GFM1: variants seen among roughly 807,000 people sequenced by gnomAD.
The protein encoded by GFM1 is G elongation factor mitochondrial 1.
GFM1 carries 62 observed loss-of-function variants against 96.2 expected under a neutral mutation model. The observed-to-expected ratio is 0.64, with a 90% CI of 0.53 to 0.80. The LOEUF (loss-of-function observed/expected upper bound fraction) is 0.80, where lower values mean the gene tolerates loss of function less well. GFM1 is among the 30% of genes least tolerant of loss of function. The pLI, the probability that GFM1 is intolerant of heterozygous loss-of-function variation, is 0.00. For synonymous variants in GFM1, 282 were observed against 312.9 expected, an observed-to-expected ratio of 0.90 and a Z score of 1.04; for missense variants, 852 against 916.6, an observed-to-expected ratio of 0.93 and a Z score of 0.91.
At chr3:158,667,055 A>G (rs1285378810) in intron 13 of GFM1, 2 of 1,591,478 alleles carry the variant, frequency 1.3e-6, no homozygotes, top group Admixed American at 1.8e-5. Context: ...GTCTAATTCA[A>G]TAAAGTCATC....
chr3:158,655,997 T>A, intron 8 of GFM1: 1 of 444,168 alleles, frequency 2.3e-6, no homozygotes, highest in Non-Finnish European at 4.5e-6. Flanking sequence ...AGAGTGTCCC[T>A]CAATTTGGGT....
At chr3:158,691,282 GT>G in intron 17 of GFM1, 53 bp from the exon 18 acceptor site, 1 of 1,605,950 alleles carries the variant, frequency 6.2e-7, no homozygotes, top group East Asian at 2.2e-5. Flanking sequence ...TTACTTGATA[GT>G]TTAAAAAACA....
intron 13 of GFM1, among the ~76,000 whole-genome samples, chr3:158,680,531 A>T (rs6764385): frequency 0.42 from 63,171 of 151,948 alleles, 14,284 homozygotes; most frequent in African/African-American, 0.6. Flanking sequence ...CAGCATTTGT[A>T]AGTTAGTTTA....
rs993023502 is a variant in GFM1, at chr3:158,694,877, GTTC to G, written c.*3412_*3414del. On this transcript the variant is annotated 3_prime_UTR_variant, in exon 18 of 18. Coordinates refer to ENST00000486715, the MANE Select transcript of GFM1 (RefSeq NM_024996.7). ...GTATTATTTTATATGTCTTAAGAAA[GTTC>G]TAAAGGTATTAGGAAAATGAATGTC... Among the ~76,000 whole-genome samples the G allele has an allele frequency of 5.3e-5, 8 of 152,282 alleles. No homozygotes were observed. Among genetic ancestry groups the G allele is most frequent in the African/African-American group, 1.4e-4 (6 of 41,546 alleles).
In GFM1 at chr3:158,671,174, A is replaced by C. The variant is rs114051682; in HGVS notation, c.1601+4788A>C. Among the ~76,000 whole-genome samples, 873 of 152,310 alleles carry C rather than the reference A, an allele frequency of 5.7e-3. 7 individuals carry two copies. Among genetic ancestry groups the C allele is most frequent in the African/African-American group, 0.02 (831 of 41,566 alleles). ...AAAAAGGCATGTCACCATGAATGTA[A>C]CATCTAATTTAGCAAGTCCCCTATC... On this transcript the variant is annotated intron_variant, in intron 13 of 17. Transcript: ENST00000486715.
rs113735140 is a variant in GFM1 at position 158,674,684 on chromosome 3, C to T, written c.1602-7311C>T. Among the ~76,000 whole-genome samples, 1,108 of 152,270 alleles carry T rather than the reference C, an allele frequency of 7.3e-3. 16 individuals carry two copies. Among genetic ancestry groups the T allele is most frequent in the African/African-American group, 0.026 (1,073 of 41,558 alleles). On this transcript the variant is annotated intron_variant, in intron 13 of 17. Coordinates refer to ENST00000486715, the MANE Select transcript of GFM1 (RefSeq NM_024996.7). ...ATACTTCAAGGTTTTTTATTAATAA[C>T]ATGGCTTATATTTAAGCTTTTTCCT...
At chr3:158,691,105 G>T in intron 16 of GFM1, 34 bp from the exon 17 acceptor site, 1 of 1,412,178 alleles carries the variant, frequency 7.1e-7, no homozygotes, top group Non-Finnish European at 1.0e-6. Flanking sequence ...TTTCCAATAA[G>T]CAGTGCTAAA....
Position 158,684,526 on chromosome 3 carries a change from G to T in GFM1, c.1767G>T (p.Gly589=). 6.2e-7 allele frequency: 1 copy of T among 1,614,070 alleles called. No individual in the cohort carries two copies. The highest frequency in any genetic ancestry group is 8.5e-7 in the Non-Finnish European group (1 of 1,179,948). Residue 589 remains glycine, a splice_region_variant and synonymous_variant, in exon 15 of 18, where the codon GGG becomes GGT. Coordinates refer to ENST00000486715, the MANE Select transcript of GFM1 (RefSeq NM_024996.7). Reference sequence around the variant, plus strand: ...AAGTTGTGTTCATTCATTAACAGGGGTTTTTAGATGCCTGCGAGAAGGGCC... The same window carrying T: ...AAGTTGTGTTCATTCATTAACAGGGTTTTTTAGATGCCTGCGAGAAGGGCC... ...PKQFVPAVEK[G]FLDACEKGPL... is the part of the protein sequence containing the mutation.
chr3:158,687,951 G>A (rs1041110682), intron 15 of GFM1, among the ~76,000 whole-genome samples: 1 of 151,972 alleles, frequency 6.6e-6, no homozygotes, highest in South Asian at 2.1e-4. Context: ...ATACACCTCT[G>A]TTGAATGCCA....
rs1723563774 is a variant in GFM1 at position 158,665,343 on chromosome 3, C to G, written c.1387C>G (p.Leu463Val). The G allele has an allele frequency of 6.2e-7, 1 of 1,608,374 alleles. No individual in the cohort carries two copies. The highest frequency in any genetic ancestry group is 1.1e-5 in the South Asian group (1 of 90,910). ...IAMKPSNKND[L>V]EKFSKGIGRF... is the part of the protein sequence containing the mutation. ...CTTTCTTCTTCTTTTAAAGAACGAT[C>G]TGGAAAAATTTTCAAAAGGTATTGG... Residue 463 changes from leucine to valine, a missense_variant, in exon 12 of 18, where the codon CTG becomes GTG. Coordinates refer to ENST00000486715, the MANE Select transcript of GFM1 (RefSeq NM_024996.7).
At chr3:158,661,086 C>T in intron 10 of GFM1, 111 bp downstream of exon 10, 1 of 803,232 alleles carries the variant, frequency 1.2e-6, no homozygotes, top group Non-Finnish European at 2.2e-6. Context: ...TCGTTGAGTA[C>T]CACAGTCATC....
intron 13 of GFM1, among the ~76,000 whole-genome samples, chr3:158,673,849 G>A (rs1358358774): frequency 6.6e-6 from 1 of 151,884 alleles, no homozygotes. Flanking sequence ...GACTCTTGAG[G>A]TGTATCTCTT....
At chr3:158,654,190 C>T (rs1560130972) in intron 7 of GFM1, among the ~76,000 whole-genome samples, 1 of 144,112 alleles carries the variant, frequency 6.9e-6, no homozygotes, top group African/African-American at 2.6e-5. Context: ...AGTAACTAAG[C>T]TAAGCTCTAA....
intron 13 of GFM1, among the ~76,000 whole-genome samples, chr3:158,679,781 A>G (rs1306072521): frequency 6.6e-6 from 1 of 152,216 alleles, no homozygotes; most frequent in Non-Finnish European, 1.5e-5. Context: ...CTTTTTGCTG[A>G]TAATGAAATT....
chr3:158,692,802 C>T lies in GFM1; in HGVS notation c.*1335C>T, dbSNP rs1436102045. 2.0e-5 allele frequency among the ~76,000 whole-genome samples: 3 copies of T among 151,938 alleles called. No individual in the cohort carries two copies. The highest frequency in any genetic ancestry group is 4.4e-5 in the Non-Finnish European group (3 of 67,976). On this transcript the variant is annotated 3_prime_UTR_variant, in exon 18 of 18. Coordinates refer to ENST00000486715, the MANE Select transcript of GFM1 (RefSeq NM_024996.7). ...TGCTTCCTGGGTTCAAGCAATTATCCCATCTCAGCTGCCTAAGTAGGTGGG... is the reference window on the plus strand; with the variant it reads ...TGCTTCCTGGGTTCAAGCAATTATCTCATCTCAGCTGCCTAAGTAGGTGGG...
chr3:158,661,448 T>C (rs2108041671), intron 10 of GFM1, among the ~76,000 whole-genome samples: 2 of 152,290 alleles, frequency 1.3e-5, no homozygotes, highest in Middle Eastern at 6.8e-3. Context: ...TAGACTAGAC[T>C]TGGGATAACA....
intron 8 of GFM1, among the ~76,000 whole-genome samples, chr3:158,657,812 C>T (rs927500255): frequency 1.3e-5 from 2 of 152,026 alleles, no homozygotes; most frequent in Non-Finnish European, 2.9e-5. Context: ...GTTTCTTTAT[C>T]ATCTATTGAC....
At chr3:158,676,653 T>C (rs1724918524) in intron 13 of GFM1, among the ~76,000 whole-genome samples, 1 of 152,082 alleles carries the variant, frequency 6.6e-6, no homozygotes. Context: ...ATTGAGGGTT[T>C]GTGATAACCC....
At chr3:158,654,524 A>T in intron 7 of GFM1, 23 bp from the exon 8 acceptor site, 2 of 1,343,002 alleles carry the variant, frequency 1.5e-6, no homozygotes, top group Non-Finnish European at 2.1e-6. Flanking sequence ...CATCTCATAG[A>T]TTTATATTTC....
Sources: gnomAD v4.1 joint callset for allele counts (sites outside exome capture counted in the v4.1 genomes callset) on GRCh38, gnomAD v4.1.1 for gene constraint, MANE v1.5 for transcripts, NCBI Gene and HGNC (gene_info 2026-07-23, HGNC 2026-07-21) for gene names.